USP28: variants seen among roughly 807,000 people sequenced by gnomAD.
USP28 encodes the protein ubiquitin specific peptidase 28.
A neutral mutation model predicts 145.0 loss-of-function variants in USP28; 113 were observed. The ratio of observed to expected loss-of-function variants is 0.78; its 90% confidence interval spans 0.67 to 0.91. The LOEUF (loss-of-function observed/expected upper bound fraction) is 0.91. Ranked by LOEUF, USP28 falls within the 40% of genes least tolerant of loss-of-function variation. The pLI is 0.00. For missense variants in USP28, 1,201 were observed against 1,289.6 expected (o/e 0.93, Z 1.05); for synonymous variants, 447 against 450.9 (o/e 0.99, Z 0.11).
At chr11:113,838,096 G>A (rs868630868) in intron 5 of USP28, among the ~76,000 whole-genome samples, 3 of 151,910 alleles carry the variant, frequency 2.0e-5, no homozygotes, top group Non-Finnish European at 4.4e-5. Context: ...TGTTAAGGCC[G>A]ACTCCTCAGA....
chr11:113,867,139 G>A (rs1948350979), intron 1 of USP28, among the ~76,000 whole-genome samples: 1 of 152,186 alleles, frequency 6.6e-6, no homozygotes, highest in African/African-American at 2.4e-5. Context: ...AGGGCATGGG[G>A]GAATAGGGAG....
intron 4 of USP28, 102 bp from the exon 5 acceptor site, chr11:113,840,859 G>C: frequency 7.2e-7 from 1 of 1,380,284 alleles, no homozygotes; most frequent in Non-Finnish European, 9.6e-7. Context: ...CAAAACACCA[G>C]AAAAAGTATT....
exon 16 of USP28, chr11:113,812,347 T>C (rs746015579): frequency 7.4e-6 from 12 of 1,614,002 alleles, no homozygotes; most frequent in East Asian, 2.2e-5. Flanking sequence ...CAGGCCTCCA[T>C]AGGAATCTCT....
intron 24 of USP28, among the ~76,000 whole-genome samples, chr11:113,800,907 A>G (rs1447474408): frequency 2.1e-5 from 3 of 144,466 alleles, no homozygotes; most frequent in Non-Finnish European, 3.0e-5. Flanking sequence ...CACTGGTGCT[A>G]TCTCGGCTCA....
At chr11:113,873,679 A>G (rs1949044061) in intron 1 of USP28, among the ~76,000 whole-genome samples, 1 of 152,228 alleles carries the variant, frequency 6.6e-6, no homozygotes, top group Admixed American at 6.5e-5. Flanking sequence ...ATGTTTTTAA[A>G]TCACTGTGCT....
chr11:113,851,481 C>CA (rs1264399868), intron 3 of USP28, among the ~76,000 whole-genome samples: 3 of 152,144 alleles, frequency 2.0e-5, no homozygotes, highest in Non-Finnish European at 4.4e-5. Context: ...CTTACTCCCT[C>CA]ACCTCCCCTG....
intron 12 of USP28, chr11:113,818,106 G>T: frequency 2.8e-6 from 1 of 351,380 alleles, no homozygotes; most frequent in Non-Finnish European, 5.1e-6. Context: ...ACTTTCTCAT[G>T]ATGTCATATT....
intron 1 of USP28, among the ~76,000 whole-genome samples, chr11:113,857,447 GTTT>G (rs1171611439): frequency 1.3e-5 from 2 of 151,960 alleles, no homozygotes; most frequent in Non-Finnish European, 2.9e-5. Flanking sequence ...AGGTTTTTTG[GTTT>G]TTTTGTTTTG....
intron 18 of USP28, 39 bp from the exon 20 acceptor site, chr11:113,806,623 G>C: frequency 8.6e-6 from 12 of 1,397,554 alleles, no homozygotes; most frequent in South Asian, 2.7e-5. Context: ...AGAAAGGAGA[G>C]AAGAAAGGTT....
At chr11:113,835,549 G>C (rs1944469263) in intron 5 of USP28, among the ~76,000 whole-genome samples, 1 of 152,184 alleles carries the variant, frequency 6.6e-6, no homozygotes, top group Non-Finnish European at 1.5e-5. Context: ...TGTAAACCCA[G>C]GTCATGCTGC....
chr11:113,813,825 G>T lies in USP28; in HGVS notation c.1743+60C>A. 2.2e-6 allele frequency: 3 copies of T among 1,363,968 alleles called. No homozygotes were observed. In the South Asian group the frequency reaches 3.6e-5, roughly 17 times the overall value. 84.5% of individuals were successfully genotyped at this position (1,363,968 alleles called of 1,614,324 possible). ...GGTTTAAAAGAAAACTATCAAATTT[G>T]ATTTTTGTATCTACCATTAGCACAT... On this transcript the variant is annotated intron_variant, in intron 15 of 24. Transcript: ENST00000003302.
chr11:113,831,837 T>G, intron 8 of USP28, 83 bp downstream of exon 8: 1 of 1,367,628 alleles, frequency 7.3e-7, no homozygotes, highest in East Asian at 2.4e-5. Context: ...AATTTCTAGT[T>G]AAGGAGAGTA....
chr11:113,838,458 C>T (rs1017230440), intron 5 of USP28, among the ~76,000 whole-genome samples: 1 of 152,228 alleles, frequency 6.6e-6, no homozygotes, highest in Non-Finnish European at 1.5e-5. Flanking sequence ...TCCACCTCCA[C>T]CACCTTTCCT....
chr11:113,843,660 A>C (rs1945471220), intron 3 of USP28, among the ~76,000 whole-genome samples: 1 of 148,950 alleles, frequency 6.7e-6, no homozygotes, highest in Middle Eastern at 3.2e-3. Flanking sequence ...AACAAGAGCG[A>C]AACTCTATCT....
rs1394768714 is a variant in USP28, at chr11:113,804,583, T to TA, written c.2658+89dup. On this transcript the variant is annotated intron_variant, in intron 21 of 24. Transcript: ENST00000003302. ...GAAAGTGGAAGAACAAGTCAGTTTG[T>TA]AATAGCACAAAATTGTTTATTTTGC... The TA allele has an allele frequency of 4.2e-6, 5 of 1,177,514 alleles. No homozygotes were observed. The Admixed American group carries it at 1.1e-4, about 25-fold the overall frequency. The allele number at this position is 1,177,514 out of a possible 1,614,324, so 72.9% of individuals were successfully genotyped here. A position where few individuals can be genotyped will look rare whatever the true frequency, so the allele number is the denominator to read the frequency against.
exon 25 of USP28, chr11:113,798,269 G>A (rs1938305445): frequency 6.6e-6 from 1 of 152,170 alleles, no homozygotes; most frequent in Non-Finnish European, 1.5e-5. Flanking sequence ...ACAAAAATTA[G>A]CCAGGTGTGG....
At chr11:113,840,990 T>C (rs908026500) in intron 4 of USP28, among the ~76,000 whole-genome samples, 1 of 152,160 alleles carries the variant, frequency 6.6e-6, no homozygotes, top group Non-Finnish European at 1.5e-5. Flanking sequence ...AGGTCCATGA[T>C]TGAACTAAGT....
chr11:113,816,282 TAAG>T (rs993194451), intron 13 of USP28, among the ~76,000 whole-genome samples: 5 of 152,046 alleles, frequency 3.3e-5, no homozygotes, highest in African/African-American at 1.2e-4. Flanking sequence ...TTTGGGAGGC[TAAG>T]GAGGGCAAAT....
At chr11:113,852,715 G>T in intron 2 of USP28, 82 bp from the exon 3 acceptor site, 1 of 1,469,572 alleles carries the variant, frequency 6.8e-7, no homozygotes, top group Non-Finnish European at 9.3e-7. Context: ...TTATTACCCT[G>T]GTGACACACT....
Sources: allele counts gnomAD v4.1 joint callset (sites outside exome capture counted in the v4.1 genomes callset), GRCh38; gene constraint gnomAD v4.1.1; transcripts MANE v1.5; gene names NCBI Gene and HGNC (gene_info 2026-07-23, HGNC 2026-07-21).